SLIT2: variants seen among roughly 807,000 people sequenced by gnomAD.
SLIT2 encodes slit homolog 2 protein.
A neutral mutation model predicts 185.7 loss-of-function variants in SLIT2; 41 were observed. That is an observed-to-expected ratio of 0.22 (90% CI 0.17 to 0.29). SLIT2 has a LOEUF of 0.29. SLIT2 is among the 10% of genes least tolerant of loss of function. The pLI is 1.00. For missense variants in SLIT2, 1,571 were observed against 1,909.0 expected, an observed-to-expected ratio of 0.82 and a Z score of 3.30; for synonymous variants, 693 against 680.2, an observed-to-expected ratio of 1.02 and a Z score of -0.29.
At chr4:20,564,875 G>T (rs532992) in intron 26 of SLIT2, among the ~76,000 whole-genome samples, 111,963 of 151,592 alleles carry the variant, frequency 0.74, 42,530 homozygotes, top group East Asian at 0.97. Flanking sequence ...CATAATTATC[G>T]CTGTGGAAAA....
intron 4 of SLIT2, among the ~76,000 whole-genome samples, chr4:20,454,874 A>G (rs1712890246): frequency 6.6e-6 from 1 of 152,170 alleles, no homozygotes; most frequent in South Asian, 2.1e-4. Context: ...CTTTTGTTAA[A>G]AGCTGATGCA....
At chr4:20,525,265 G>C (rs1721186641) in intron 15 of SLIT2, 93 bp downstream of exon 15, 2 of 916,776 alleles carry the variant, frequency 2.2e-6, no homozygotes, top group East Asian at 2.4e-5. Context: ...GCTTCTGAAA[G>C]TACAGTGGAT....
At chr4:20,522,332 T>G (rs1298607528) in intron 12 of SLIT2, among the ~76,000 whole-genome samples, 1 of 152,084 alleles carries the variant, frequency 6.6e-6, no homozygotes, top group East Asian at 1.9e-4. Context: ...CAGTGGATTA[T>G]CTCCATACCA....
At chr4:20,596,250 T>G (rs1727970461) in intron 31 of SLIT2, among the ~76,000 whole-genome samples, 165 bp from the exon 32 acceptor site, 1 of 152,190 alleles carries the variant, frequency 6.6e-6, no homozygotes, top group Non-Finnish European at 1.5e-5. Flanking sequence ...GAATATCTGT[T>G]GTACAGCACA....
intron 9 of SLIT2, among the ~76,000 whole-genome samples, chr4:20,507,695 G>T (rs1719335353): frequency 6.6e-6 from 1 of 151,490 alleles, no homozygotes; most frequent in South Asian, 2.1e-4. Context: ...GGTTTCTTTA[G>T]ATTATTTTCA....
intron 31 of SLIT2, 90 bp downstream of exon 31, chr4:20,595,924 A>C: frequency 9.1e-7 from 1 of 1,099,040 alleles, no homozygotes. Flanking sequence ...CGTACATTTT[A>C]AAATAACTAA....
chr4:20,609,328 C>CT (rs1324806468), intron 33 of SLIT2, among the ~76,000 whole-genome samples: 29 of 152,172 alleles, frequency 1.9e-4, no homozygotes, highest in Admixed American at 1.9e-3. Flanking sequence ...CAGACAGCCA[C>CT]TGTCATTGCA....
chr4:20,314,862 G>T (rs1201763917), intron 4 of SLIT2, among the ~76,000 whole-genome samples: 2 of 151,962 alleles, frequency 1.3e-5, no homozygotes, highest in African/African-American at 4.8e-5. Flanking sequence ...TAAAACCATG[G>T]ATACTCTTTT....
intron 8 of SLIT2, among the ~76,000 whole-genome samples, 191 bp downstream of exon 8, chr4:20,489,173 G>A (rs1717544574): frequency 6.6e-6 from 1 of 152,272 alleles, no homozygotes; most frequent in African/African-American, 2.4e-5. Flanking sequence ...GGCAAGTACT[G>A]GTTACTTGTA....
At chr4:20,276,066 A>G (rs1356111246) in intron 4 of SLIT2, among the ~76,000 whole-genome samples, 3 of 152,156 alleles carry the variant, frequency 2.0e-5, no homozygotes, top group Admixed American at 6.5e-5. Context: ...GATTTGATCT[A>G]TGGAACATTG....
chr4:20,596,511 A>G lies in SLIT2; in HGVS notation c.3417A>G (p.Arg1139=). ...AGAATGGAGCTCAGTGTATCGTCAG[A>G]ATAAATGAGCCAATATGTCAGTGTT... is the stretch of plus-strand genomic sequence containing the variant. ...DCQNGAQCIV[R]INEPICQCLP... Residue 1139 remains arginine (R), a synonymous_variant, in exon 32 of 37, where the codon AGA becomes AGG. Transcript: ENST00000504154. The G allele has an allele frequency of 6.2e-7, 1 of 1,614,150 alleles. No individual in the cohort carries two copies. The highest frequency in any genetic ancestry group is 8.5e-7 in the Non-Finnish European group (1 of 1,179,998).
intron 33 of SLIT2, among the ~76,000 whole-genome samples, chr4:20,608,898 G>A (rs1054138030): frequency 4.6e-5 from 7 of 152,082 alleles, no homozygotes; most frequent in Non-Finnish European, 1.0e-4. Flanking sequence ...TTCCATGTTG[G>A]AGCCTTTTTC....
At chr4:20,548,425 A>G in intron 22 of SLIT2, 63 bp from the exon 23 acceptor site, 1 of 832,646 alleles carries the variant, frequency 1.2e-6, no homozygotes, top group Middle Eastern at 2.3e-4. Flanking sequence ...TTCTCCTTCT[A>G]AGAATCACTA....
chr4:20,519,716 A>G (rs1184563570), intron 12 of SLIT2, among the ~76,000 whole-genome samples: 2 of 152,090 alleles, frequency 1.3e-5, no homozygotes, highest in Non-Finnish European at 2.9e-5. Context: ...AGCTTCTACA[A>G]TCCCTGTCTT....
At chr4:20,347,434 TGCA>T (rs757127369) in intron 4 of SLIT2, among the ~76,000 whole-genome samples, 24 of 152,230 alleles carry the variant, frequency 1.6e-4, no homozygotes, top group Non-Finnish European at 2.6e-4. Context: ...ATGAGTCTAT[TGCA>T]TGGTGGTGAG....
At chr4:20,589,496 C>T in intron 29 of SLIT2, 148 bp from the exon 30 acceptor site, 1 of 650,440 alleles carries the variant, frequency 1.5e-6, no homozygotes. Context: ...GGTTCCATGC[C>T]TTGTGGCTTT....
chr4:20,532,255 A>G (rs1257677087), intron 17 of SLIT2, among the ~76,000 whole-genome samples, 197 bp downstream of exon 17: 1 of 152,178 alleles, frequency 6.6e-6, no homozygotes, highest in Non-Finnish European at 1.5e-5. Flanking sequence ...CATTTTCTGT[A>G]GCAGAGCCTA....
intron 26 of SLIT2, among the ~76,000 whole-genome samples, chr4:20,558,445 A>G (rs751677764): frequency 1.8e-4 from 28 of 152,102 alleles, no homozygotes; most frequent in Non-Finnish European, 3.8e-4. Flanking sequence ...TTTTTTAGCA[A>G]TAAAATATTT....
intron 18 of SLIT2, among the ~76,000 whole-genome samples, chr4:20,537,672 A>G (rs1722417948): frequency 6.6e-6 from 1 of 152,164 alleles, no homozygotes; most frequent in Non-Finnish European, 1.5e-5. Flanking sequence ...AGGTTTCAAC[A>G]AGCGTCATAG....
Sources: gnomAD v4.1 joint callset for allele counts (sites outside exome capture counted in the v4.1 genomes callset) on GRCh38, gnomAD v4.1.1 for gene constraint, MANE v1.5 for transcripts, NCBI Gene and HGNC (gene_info 2026-07-23, HGNC 2026-07-21) for gene names.